The following FAM162B variants were observed in gnomAD, a reference collection of about 807,000 sequenced individuals.
FAM162B encodes family with sequence similarity 162 member B, also known as protein FAM162B.
A neutral mutation model predicts 20.0 loss-of-function variants in FAM162B; 16 were observed. The ratio of observed to expected loss-of-function variants is 0.80; its 90% CI spans 0.54 to 1.21. The LOEUF is 1.21. FAM162B is among the 50% of genes most tolerant of loss of function. The pLI, the probability that FAM162B is intolerant of heterozygous loss-of-function variation, is 0.00. For synonymous variants in FAM162B, 83 were observed against 89.7 expected (o/e 0.93, Z 0.42); for missense variants, 260 against 227.5 (o/e 1.14, Z -0.92).
chr6:116,752,727 T>C lies in FAM162B; in HGVS notation c.391-32A>G. On this transcript the variant is annotated intron_variant, in intron 3 of 3. Transcript: ENST00000368557. ...GGGGGAAGAAATATATATATATATA[T>C]ATATATAGATACACGTATATATATA... is the stretch of plus-strand genomic sequence containing the variant. 5 of 614,948 alleles carry C rather than the reference T, an allele frequency of 8.1e-6. No homozygotes were observed. The South Asian group carries it at 1.1e-4, about 13-fold the overall frequency. The allele number at this position is 614,948 out of a possible 1,614,324, so 38.1% of individuals were successfully genotyped here.
At position 116,765,231 on chromosome 6, in the gene FAM162B, T is replaced by C. The variant is rs750357032; in HGVS notation, c.197A>G (p.Gln66Arg). The change falls in exon 2 of 4, where the codon CAG becomes CGG. Residue 66 changes from glutamine (Q) to arginine (R), a missense_variant. Coordinates refer to ENST00000368557, the MANE Select transcript of FAM162B (RefSeq NM_001085480.3). The part of the protein sequence containing the change: ...GHGEIHRVPT[Q>R]RRPSQFDKKI... ...CTTGTCGAACTGCGAAGGCCTGCGC[T>C]GCGTGGGGACTCGGTGAATCTCCCC... 2 of 1,613,804 alleles carry C rather than the reference T, an allele frequency of 1.2e-6. No individual in the cohort carries two copies. Among genetic ancestry groups the C allele is most frequent in the East Asian group, 4.5e-5 (2 of 44,834 alleles).
At chr6:116,756,067 A>G (rs1393958461) in intron 3 of FAM162B, among the ~76,000 whole-genome samples, 1 of 152,214 alleles carries the variant, frequency 6.6e-6, no homozygotes, top group Non-Finnish European at 1.5e-5. Flanking sequence ...TCAACTTTCA[A>G]GTCTTGTTAT....
chr6:116,758,529 T>C (rs1359128132), intron 3 of FAM162B, among the ~76,000 whole-genome samples: 1 of 131,276 alleles, frequency 7.6e-6, no homozygotes, highest in African/African-American at 3.2e-5. Context: ...TTTGTGTTTT[T>C]ACTTTATTTA....
intron 2 of FAM162B, among the ~76,000 whole-genome samples, chr6:116,764,104 A>G (rs1771857511): frequency 6.6e-6 from 1 of 152,028 alleles, no homozygotes; most frequent in Admixed American, 6.6e-5. Flanking sequence ...ATGTTCTCCC[A>G]CCCCACCCCC....
chr6:116,765,343 C>A lies in FAM162B; in HGVS notation c.172+62G>T, dbSNP rs897193400. On this transcript the variant is annotated intron_variant, in intron 1 of 3. Transcript: ENST00000368557. ...CCCTCAAGCCGACTCCCGGGCCGGCCCCTCGCTGCCCTCCCGCAACCTCCT... is the reference window on the plus strand; with the variant it reads ...CCCTCAAGCCGACTCCCGGGCCGGCACCTCGCTGCCCTCCCGCAACCTCCT... The A allele has an allele frequency of 1.0e-5, 16 of 1,527,364 alleles. No individual in the cohort carries two copies. The Middle Eastern group carries it at 5.2e-4, about 50-fold the overall frequency. 94.6% of individuals were successfully genotyped at this position (1,527,364 alleles called of 1,614,324 possible). A position where few individuals can be genotyped will look rare whatever the true frequency, so the allele number is the denominator to read the frequency against.
At chr6:116,756,242 C>T (rs185435446) in intron 3 of FAM162B, among the ~76,000 whole-genome samples, 39 of 152,140 alleles carry the variant, frequency 2.6e-4, no homozygotes, top group African/African-American at 8.9e-4. Context: ...GGAGTTCGGA[C>T]GAAGCTGATT....
At chr6:116,755,957 TG>T (rs1230636292) in intron 3 of FAM162B, among the ~76,000 whole-genome samples, 1 of 152,214 alleles carries the variant, frequency 6.6e-6, no homozygotes, top group Non-Finnish European at 1.5e-5. Context: ...ACAATGCACC[TG>T]GTCACTCAAA....
intron 2 of FAM162B, among the ~76,000 whole-genome samples, 197 bp downstream of exon 2, chr6:116,764,950 A>G (rs992434047): frequency 1.3e-5 from 2 of 152,042 alleles, no homozygotes; most frequent in Non-Finnish European, 2.9e-5. Context: ...TCTCCCTGTA[A>G]GCTTAATTGA....
intron 3 of FAM162B, among the ~76,000 whole-genome samples, chr6:116,753,758 G>A (rs1562466858): frequency 1.3e-5 from 2 of 152,126 alleles, no homozygotes; most frequent in Admixed American, 1.3e-4. Context: ...CAGAAGACTT[G>A]GTAAGATCCC....
At chr6:116,753,956 C>T (rs1020569560) in intron 3 of FAM162B, among the ~76,000 whole-genome samples, 8 of 152,122 alleles carry the variant, frequency 5.3e-5, no homozygotes, top group African/African-American at 1.7e-4. Context: ...AAAAGATAAA[C>T]GATTTTCATT....
intron 3 of FAM162B, among the ~76,000 whole-genome samples, chr6:116,759,698 C>T (rs1027799719): frequency 6.6e-6 from 1 of 152,074 alleles, no homozygotes; most frequent in Non-Finnish European, 1.5e-5. Flanking sequence ...CACTGGATCC[C>T]CAATGTATTT....
chr6:116,756,357 G>A (rs1376923049), intron 3 of FAM162B, among the ~76,000 whole-genome samples: 3 of 152,172 alleles, frequency 2.0e-5, no homozygotes, highest in African/African-American at 7.2e-5. Flanking sequence ...AATTCATAGT[G>A]GAGCCTGAAA....
chr6:116,760,309 A>G (rs1780125475), intron 3 of FAM162B, among the ~76,000 whole-genome samples: 1 of 152,260 alleles, frequency 6.6e-6, no homozygotes, highest in Non-Finnish European at 1.5e-5. Context: ...GATTTATAAT[A>G]GAATTATATT....
At chr6:116,761,716 GTATATATACTTA>G (rs1158612852) in intron 3 of FAM162B, among the ~76,000 whole-genome samples, 69 of 137,086 alleles carry the variant, frequency 5.0e-4, no homozygotes, top group African/African-American at 1.8e-3. Flanking sequence ...ATATATACTT[GTATATATACTTA>G]TATATACACA....
At chr6:116,764,463 A>T (rs1035222836) in intron 2 of FAM162B, among the ~76,000 whole-genome samples, 1 of 151,898 alleles carries the variant, frequency 6.6e-6, no homozygotes, top group Non-Finnish European at 1.5e-5. Flanking sequence ...TTTACTTATT[A>T]TTAGCATTTA....
rs1477139318 is a variant in FAM162B, at chr6:116,762,130, G to T, written c.282-45C>A. The T allele has an allele frequency of 2.1e-6, 3 of 1,445,240 alleles. No homozygotes were observed. In the African/African-American group the frequency reaches 4.2e-5, roughly 20 times the overall value. The allele number at this position is 1,445,240 out of a possible 1,614,324, so 89.5% of individuals were successfully genotyped here. Reference sequence around the variant, plus strand: ...TTGTTAAATATGTAAAAGTAATATGGTTTTCTGACAGGCATGATAGATAAT... The same window carrying T: ...TTGTTAAATATGTAAAAGTAATATGTTTTTCTGACAGGCATGATAGATAAT... On this transcript the variant is annotated intron_variant, in intron 2 of 3. Transcript: ENST00000368557.
At chr6:116,755,187 T>A (rs1780038733) in intron 3 of FAM162B, among the ~76,000 whole-genome samples, 1 of 152,242 alleles carries the variant, frequency 6.6e-6, no homozygotes, top group Non-Finnish European at 1.5e-5. Context: ...GTCAAAAGCT[T>A]GGCCTCTTGT....
At chr6:116,764,464 T>A (rs956941604) in intron 2 of FAM162B, among the ~76,000 whole-genome samples, 1 of 152,126 alleles carries the variant, frequency 6.6e-6, no homozygotes, top group Non-Finnish European at 1.5e-5. Context: ...TTACTTATTA[T>A]TAGCATTTAT....
At chr6:116,762,157 T>G in intron 2 of FAM162B, 72 bp from the exon 3 acceptor site, 1 of 1,319,222 alleles carries the variant, frequency 7.6e-7, no homozygotes, top group Non-Finnish European at 1.0e-6. Context: ...ATAGATAATT[T>G]GCCATGTAAA....
Sources: gnomAD v4.1 joint callset for allele counts (sites outside exome capture counted in the v4.1 genomes callset) on GRCh38, gnomAD v4.1.1 for gene constraint, MANE v1.5 for transcripts, NCBI Gene and HGNC (gene_info 2026-07-23, HGNC 2026-07-21) for gene names.